Variants in INO80 observed in about 807,000 individuals in gnomAD.
INO80 encodes chromatin-remodeling ATPase INO80.
A neutral mutation model predicts 203.4 loss-of-function variants in INO80; 20 were observed. The observed-to-expected ratio is 0.10, with a 90% CI of 0.07 to 0.14. The LOEUF (loss-of-function observed/expected upper bound fraction) is 0.14, where lower values mean the gene tolerates loss of function less well. Ranked by LOEUF, INO80 falls within the 10% of genes least tolerant of loss-of-function variation. The pLI is 1.00. For missense variants in INO80, 1,419 were observed against 1,914.4 expected (o/e 0.74, Z 4.83); for synonymous variants, 726 against 685.2 (o/e 1.06, Z -0.93).
intron 12 of INO80, among the ~76,000 whole-genome samples, chr15:41,071,247 AATTT>A (rs2045308369): frequency 2.0e-5 from 3 of 152,092 alleles, no homozygotes; most frequent in African/African-American, 7.2e-5. Flanking sequence ...AATCTACATT[AATTT>A]ATTTTTAATT....
intron 18 of INO80, 35 bp from the exon 19 acceptor site, chr15:41,054,049 T>C (rs372237961): frequency 1.2e-5 from 18 of 1,539,008 alleles, no homozygotes; most frequent in African/African-American, 2.7e-5. Context: ...TAATACATTA[T>C]AGTGATTTCA....
chr15:41,044,379 T>C (rs527380707), intron 24 of INO80, among the ~76,000 whole-genome samples: 2 of 152,256 alleles, frequency 1.3e-5, no homozygotes, highest in South Asian at 2.1e-4. Context: ...AAAAAAAGAA[T>C]GCTATATATG....
At chr15:41,115,783 G>C (rs572244723) in intron 1 of INO80, among the ~76,000 whole-genome samples, 190 bp downstream of exon 1, 2 of 152,202 alleles carry the variant, frequency 1.3e-5, no homozygotes, top group African/African-American at 4.8e-5. Flanking sequence ...GGAAGGACAA[G>C]GCCCTAGTCC....
chr15:40,992,051 C>A lies in INO80; in HGVS notation c.3571-4077G>T, dbSNP rs1306849659. On this transcript the variant is annotated intron_variant, in intron 29 of 35. Coordinates refer to ENST00000648947, the MANE Select transcript of INO80 (RefSeq NM_017553.3). ...TGGGCTTCCCAAAGTGCTGGGATTA[C>A]AGGCGTGAGCCACCGGGCCCTGCTG... is the stretch of plus-strand genomic sequence containing the variant. 2.0e-5 allele frequency among the ~76,000 whole-genome samples: 3 copies of A among 152,206 alleles called. No individual in the cohort carries two copies. In the East Asian group the frequency reaches 5.8e-4, roughly 29 times the overall value.
intron 12 of INO80, 61 bp from the exon 13 acceptor site, chr15:41,070,608 T>C (rs1376758050): frequency 7.2e-7 from 1 of 1,381,812 alleles, no homozygotes; most frequent in Non-Finnish European, 1.0e-6. Context: ...GTTCAACCTG[T>C]TACCAAAAAG....
At chr15:41,055,178 GA>G in intron 18 of INO80, 68 bp downstream of exon 18, 1 of 779,646 alleles carries the variant, frequency 1.3e-6, no homozygotes, top group Non-Finnish European at 2.0e-6. Flanking sequence ...TCAAATAAAA[GA>G]AAATATGCAA....
Position 41,079,682 on chromosome 15 carries a change from T to C in INO80, c.1131+19A>G, listed in dbSNP as rs368245145. On this transcript the variant is annotated intron_variant, in intron 9 of 35. Transcript: ENST00000648947. ...GCTGTAGTAATTAGGGTTTTCAAAA[T>C]GTTATGCTTTTGCCCTACCTCCCGC... The C allele has an allele frequency of 8.7e-6, 14 of 1,611,742 alleles. No homozygotes were observed. In the South Asian group the frequency reaches 1.1e-4, roughly 13 times the overall value.
intron 25 of INO80, chr15:41,023,228 G>C (rs1433258624): frequency 2.2e-6 from 1 of 454,450 alleles, no homozygotes; most frequent in Non-Finnish European, 4.4e-6. Flanking sequence ...ATAAATACAG[G>C]AATACAAAGC....
Position 41,058,745 on chromosome 15 carries a change from C to G in INO80, c.1879G>C (p.Val627Leu), listed in dbSNP as rs1028431383. The G allele has an allele frequency of 3.1e-6, 5 of 1,613,778 alleles. No individual in the cohort carries two copies. The African/African-American group carries it at 5.3e-5, about 17-fold the overall frequency. Residue 627 changes from valine (V) to leucine (L), a missense_variant, in exon 16 of 36, where the codon GTT becomes CTT. By Grantham distance (32) the Val-to-Leu change is conservative (BLOSUM62 1). Around this residue, in one of 9 missense-constraint regions of INO80, gnomAD observed 192 missense variants for 406.7 expected, o/e 0.47. Coordinates refer to ENST00000648947, the MANE Select transcript of INO80 (RefSeq NM_017553.3). The part of the protein sequence containing the change: ...LYTQDAPFHV[V>L]ITSYQLVVQD... ...ACCACCAGCTGATAGCTGGTAATAA[C>G]CACATGGAAGGGGGCATCCTGAGTG...
intron 24 of INO80, among the ~76,000 whole-genome samples, chr15:41,036,423 G>C (rs1302391078): frequency 1.3e-5 from 2 of 152,070 alleles, no homozygotes; most frequent in African/African-American, 2.4e-5. Context: ...CTAGTTCTCA[G>C]ATCAAATGCA....
intron 1 of INO80, among the ~76,000 whole-genome samples, chr15:41,115,574 A>C (rs2046021305): frequency 6.6e-6 from 1 of 152,084 alleles, no homozygotes; most frequent in Non-Finnish European, 1.5e-5. Context: ...CACAACCTTC[A>C]CGGGGTTCCC....
chr15:41,070,131 C>A (rs895968779), intron 13 of INO80, among the ~76,000 whole-genome samples: 1 of 152,126 alleles, frequency 6.6e-6, no homozygotes, highest in Admixed American at 6.5e-5. Flanking sequence ...GAAAAAGAGG[C>A]TAAATTGCCC....
At chr15:41,036,156 G>GGAA (rs1555401559) in intron 24 of INO80, among the ~76,000 whole-genome samples, 16 of 32,134 alleles carry the variant, frequency 5.0e-4, no homozygotes, top group Non-Finnish European at 2.4e-4. Context: ...ACTCTCTCTC[G>GGAA]AAAAAAAAAA....
chr15:40,994,190 CTCT>C (rs1289603317), intron 29 of INO80, among the ~76,000 whole-genome samples: 1 of 152,154 alleles, frequency 6.6e-6, no homozygotes, highest in African/African-American at 2.4e-5. Flanking sequence ...GCCTGGAATG[CTCT>C]TCTTTCTGCC....
chr15:41,074,814 G>A (rs769992513), intron 9 of INO80, among the ~76,000 whole-genome samples: 12 of 152,036 alleles, frequency 7.9e-5, no homozygotes, highest in Non-Finnish European at 1.6e-4. Flanking sequence ...GCACGATCTC[G>A]GCTCACTGCG....
chr15:41,077,137 G>A (rs905555569), intron 9 of INO80, among the ~76,000 whole-genome samples: 2 of 151,558 alleles, frequency 1.3e-5, no homozygotes, highest in African/African-American at 4.8e-5. Flanking sequence ...TCGATCTCCC[G>A]ATCTCTTGAT....
chr15:40,985,127 G>A lies in INO80; in HGVS notation c.3921+211C>T, dbSNP rs150716403. Among the ~76,000 whole-genome samples the A allele has an allele frequency of 2.9e-3, 435 of 152,244 alleles. 4 individuals carry two copies. The highest frequency in any genetic ancestry group is 9.6e-3 in the African/African-American group (400 of 41,522). On this transcript the variant is annotated intron_variant, in intron 32 of 35. Coordinates refer to ENST00000648947, the MANE Select transcript of INO80 (RefSeq NM_017553.3). Reference sequence around the variant, plus strand: ...TTTCCATAATTAAACTGTGACCACCGTAAGGGTGAGTTTGTGTGGAGAGTA... The same window carrying A: ...TTTCCATAATTAAACTGTGACCACCATAAGGGTGAGTTTGTGTGGAGAGTA...
intron 28 of INO80, among the ~76,000 whole-genome samples, chr15:41,004,027 G>A (rs1233138965): frequency 5.3e-5 from 8 of 152,216 alleles, no homozygotes; most frequent in Admixed American, 5.2e-4. Flanking sequence ...ATTAAGAAAA[G>A]ATGAAGATCA....
chr15:41,040,264 A>G (rs1176449860), intron 24 of INO80, among the ~76,000 whole-genome samples: 3 of 152,208 alleles, frequency 2.0e-5, no homozygotes, highest in Non-Finnish European at 4.4e-5. Flanking sequence ...AAGGGCTAAG[A>G]ACAGCCAAAA....
Sources: allele counts gnomAD v4.1 joint callset (sites outside exome capture counted in the v4.1 genomes callset), GRCh38; gene constraint gnomAD v4.1.1; regional missense constraint gnomAD v4.1.1; transcripts MANE v1.5; gene names NCBI Gene and HGNC (gene_info 2026-07-23, HGNC 2026-07-21).